FGF14: variants seen among roughly 807,000 people sequenced by gnomAD.
The protein encoded by FGF14 is fibroblast growth factor homologous factor 4.
In FGF14, 5 loss-of-function variants were observed where a neutral mutation model predicts 25.5. The observed-to-expected ratio is 0.20, with a 90% CI of 0.10 to 0.41. The LOEUF is 0.41. Ranked by LOEUF, FGF14 falls within the 10% of genes least tolerant of loss-of-function variation. FGF14 has a pLI of 1.00. For missense variants in FGF14, 222 were observed against 320.1 expected (o/e 0.69, Z 2.34); for synonymous variants, 138 against 118.3 (o/e 1.17, Z -1.08).
intron 1 of FGF14, among the ~76,000 whole-genome samples, chr13:102,289,387 T>C (rs897929074): frequency 1.3e-5 from 2 of 152,198 alleles, no homozygotes; most frequent in Admixed American, 1.3e-4. Context: ...ACTCTTTTGG[T>C]AAAGAGCTAA....
intron 1 of FGF14, among the ~76,000 whole-genome samples, chr13:102,245,282 A>T (rs570958516): frequency 6.6e-6 from 1 of 152,274 alleles, no homozygotes; most frequent in African/African-American, 2.4e-5. Context: ...CCCTATGCTT[A>T]TAGCAGTTTG....
chr13:101,917,032 C>T (rs1278595574), upstream of FGF14, among the ~76,000 whole-genome samples: 2 of 151,564 alleles, frequency 1.3e-5, no homozygotes, highest in African/African-American at 2.4e-5. Context: ...GCCCGGCTCC[C>T]GGGCGGGAGG....
intron 1 of FGF14, among the ~76,000 whole-genome samples, chr13:102,210,307 A>G (rs1336700): frequency 0.76 from 116,044 of 151,896 alleles, 44,402 homozygotes; most frequent in East Asian, 0.85. Flanking sequence ...AAAAATTTCC[A>G]TATGTTAAAG....
At chr13:102,186,286 C>T (rs1375319876) in intron 1 of FGF14, among the ~76,000 whole-genome samples, 1 of 152,008 alleles carries the variant, frequency 6.6e-6, no homozygotes, top group Non-Finnish European at 1.5e-5. Flanking sequence ...ATATGTACTT[C>T]GAAATCAAAT....
intron 1 of FGF14, among the ~76,000 whole-genome samples, chr13:102,248,286 T>C (rs1426852443): frequency 6.6e-6 from 1 of 152,110 alleles, no homozygotes. Context: ...TAAGGCATGG[T>C]TTTCAGCATT....
At chr13:102,041,832 C>A (rs1429645732) in intron 1 of FGF14, among the ~76,000 whole-genome samples, 1 of 152,104 alleles carries the variant, frequency 6.6e-6, no homozygotes, top group Non-Finnish European at 1.5e-5. Context: ...AAAGTTCTTT[C>A]AGATCCTACC....
chr13:101,876,282 C>T (rs78417849), intron 1 of FGF14, among the ~76,000 whole-genome samples: 5,291 of 152,224 alleles, frequency 0.035, 330 homozygotes, highest in African/African-American at 0.12. Context: ...GGATGTGGGA[C>T]ATCATAATCT....
chr13:101,715,723 C>A lies in FGF14; in HGVS notation c.*7108G>T. 1.0e-6 allele frequency: 1 copy of A among 975,438 alleles called. No individual in the cohort carries two copies. Among genetic ancestry groups the A allele is most frequent in the South Asian group, 1.3e-5 (1 of 77,588 alleles). 60.4% of individuals were successfully genotyped at this position (975,438 alleles called of 1,614,324 possible). ...TTAGAACAGATAAATGCGAAGGAAA[C>A]CATGTATATTCACCACTAGGACAGG... On this transcript the variant is annotated 3_prime_UTR_variant, in exon 5 of 5. Transcript: ENST00000376143.
At chr13:102,212,961 AG>A (rs1447246905) in intron 1 of FGF14, among the ~76,000 whole-genome samples, 8 of 152,224 alleles carry the variant, frequency 5.3e-5, no homozygotes, top group African/African-American at 1.9e-4. Context: ...TTTCTGCAAG[AG>A]GGACAGAAAA....
intron 1 of FGF14, among the ~76,000 whole-genome samples, chr13:101,998,020 C>A (rs988728179): frequency 6.6e-6 from 1 of 152,048 alleles, no homozygotes; most frequent in African/African-American, 2.4e-5. Context: ...AGAGCAGCTA[C>A]AATTTACTCA....
chr13:102,392,122 A>G (rs981268698), intron 1 of FGF14, among the ~76,000 whole-genome samples: 5 of 152,244 alleles, frequency 3.3e-5, no homozygotes, highest in African/African-American at 1.2e-4. Flanking sequence ...GTTACCACAC[A>G]CTTCAGTGAT....
At chr13:102,128,680 G>A (rs528683234) in intron 1 of FGF14, among the ~76,000 whole-genome samples, 26 of 152,282 alleles carry the variant, frequency 1.7e-4, no homozygotes, top group Admixed American at 7.2e-4. Flanking sequence ...ACTGGCAAAC[G>A]TATGTGAAAA....
chr13:101,897,671 T>C (rs147858133), intron 1 of FGF14, among the ~76,000 whole-genome samples: 2 of 152,296 alleles, frequency 1.3e-5, no homozygotes, highest in Non-Finnish European at 2.9e-5. Flanking sequence ...TTTGATAATC[T>C]ACAACTTTGT....
At chr13:102,135,727 CT>C (rs2046383745) in intron 1 of FGF14, among the ~76,000 whole-genome samples, 1 of 152,198 alleles carries the variant, frequency 6.6e-6, no homozygotes, top group South Asian at 2.1e-4. Context: ...ACCACCTCAG[CT>C]TACTGCAACC....
chr13:102,399,151 G>A (rs566400940), intron 1 of FGF14, among the ~76,000 whole-genome samples: 1 of 152,154 alleles, frequency 6.6e-6, no homozygotes, highest in African/African-American at 2.4e-5. Context: ...AGATGAAAGT[G>A]GGTGGGATGG....
chr13:102,393,069 A>G (rs1038628081), intron 1 of FGF14, among the ~76,000 whole-genome samples: 4 of 152,152 alleles, frequency 2.6e-5, no homozygotes, highest in African/African-American at 9.7e-5. Flanking sequence ...AGCTTAAAGT[A>G]TGCTTCTTTC....
chr13:101,759,215 C>A lies in FGF14; in HGVS notation c.409-32405G>T, dbSNP rs569129109. Among the ~76,000 whole-genome samples the A allele has an allele frequency of 1.3e-5, 2 of 152,268 alleles. 1 individual carries two copies. Among genetic ancestry groups the A allele is most frequent in the South Asian group, 4.1e-4 (2 of 4,824 alleles). ...TTCTGTCCCCTTCCACTAACCCCAG[C>A]AATTAGGGAACCGTAGATGATGTCA... On this transcript the variant is annotated intron_variant, in intron 3 of 4. Transcript: ENST00000376143.
At chr13:101,746,784 G>A (rs2036920193) in intron 3 of FGF14, among the ~76,000 whole-genome samples, 1 of 151,866 alleles carries the variant, frequency 6.6e-6, no homozygotes, top group South Asian at 2.1e-4. Flanking sequence ...GAAAAATGGT[G>A]TCCCTTCTAT....
At chr13:101,859,849 T>C (rs2044319857) in intron 3 of FGF14, among the ~76,000 whole-genome samples, 1 of 152,170 alleles carries the variant, frequency 6.6e-6, no homozygotes, top group African/African-American at 2.4e-5. Context: ...GAAATGGAAC[T>C]TGTCTGGAAA....
Sources: allele counts gnomAD v4.1 joint callset (sites outside exome capture counted in the v4.1 genomes callset), GRCh38; gene constraint gnomAD v4.1.1; transcripts MANE v1.5; gene names NCBI Gene and HGNC (gene_info 2026-07-23, HGNC 2026-07-21).